Variants in TSEN15 observed in about 807,000 individuals in gnomAD.
TSEN15 encodes the protein tRNA splicing endonuclease subunit 15.
TSEN15 carries 10 observed loss-of-function variants against 20.5 expected under a neutral mutation model. The observed-to-expected ratio is 0.49, with a 90% CI of 0.30 to 0.83. The LOEUF (loss-of-function observed/expected upper bound fraction) is 0.83, where lower values mean the gene tolerates loss of function less well. Ranked by LOEUF, TSEN15 falls within the 40% of genes least tolerant of loss-of-function variation. The pLI is 0.06. For synonymous variants in TSEN15, 72 were observed against 80.1 expected, an observed-to-expected ratio of 0.90 and a Z score of 0.54; for missense variants, 180 against 218.6, an observed-to-expected ratio of 0.82 and a Z score of 1.11.
intron 3 of TSEN15, among the ~76,000 whole-genome samples, chr1:184,064,942 A>T (rs1006350829): frequency 6.6e-6 from 1 of 152,156 alleles, no homozygotes; most frequent in Non-Finnish European, 1.5e-5. Context: ...CGATATACTG[A>T]TGACTCCCAA....
intron 3 of TSEN15, among the ~76,000 whole-genome samples, chr1:184,055,900 T>C (rs1225973902): frequency 2.0e-5 from 3 of 152,284 alleles, no homozygotes; most frequent in East Asian, 3.9e-4. Context: ...CTTAACGTGC[T>C]TTCACTGACC....
intron 3 of TSEN15, among the ~76,000 whole-genome samples, chr1:184,084,710 GGAAA>G (rs1466567147): frequency 6.6e-6 from 1 of 151,958 alleles, no homozygotes; most frequent in African/African-American, 2.4e-5. Context: ...AAGGCAGAAG[GGAAA>G]GAGAGATCAA....
chr1:184,054,272 T>A (rs1650159993), intron 1 of TSEN15, 82 bp from the exon 2 acceptor site: 1 of 851,284 alleles, frequency 1.2e-6, no homozygotes, highest in Admixed American at 2.2e-5. Flanking sequence ...AGATTATATA[T>A]GCTTGATGAC....
intron 3 of TSEN15, among the ~76,000 whole-genome samples, chr1:184,080,267 GC>G (rs1249059121): frequency 6.6e-6 from 1 of 152,174 alleles, no homozygotes; most frequent in African/African-American, 2.4e-5. Context: ...TCACAACAGA[GC>G]TGATGTTACT....
intron 3 of TSEN15, among the ~76,000 whole-genome samples, chr1:184,079,920 C>T (rs779861308): frequency 6.6e-6 from 1 of 152,150 alleles, no homozygotes; most frequent in Non-Finnish European, 1.5e-5. Context: ...ATTCTAAACA[C>T]CTGTTGTTAG....
intron 3 of TSEN15, chr1:184,058,297 C>A: frequency 6.4e-6 from 2 of 310,928 alleles, no homozygotes; most frequent in South Asian, 6.2e-5. Context: ...ATCTTTATGT[C>A]TTGTTTTTAT....
At position 184,073,220 on chromosome 1, in the gene TSEN15, T is replaced by G. The variant is rs370130713; in HGVS notation, c.*373T>G. ...CATTGTTGAGACTGCCATTTCTTTC[T>G]CTTACTCAGCTCTCCCCAGTGCCTT... On this transcript the variant is annotated 3_prime_UTR_variant, in exon 5 of 5. Transcript: ENST00000645668. The G allele has an allele frequency of 1.3e-4, 25 of 189,580 alleles. No homozygotes were observed. The highest frequency in any genetic ancestry group is 5.6e-4 in the African/African-American group (24 of 42,826). The allele number at this position is 189,580 out of a possible 1,614,324, so 11.7% of individuals were successfully genotyped here. A position where few individuals can be genotyped will look rare whatever the true frequency, so the allele number is the denominator to read the frequency against.
intron 3 of TSEN15, 60 bp from the exon 4 acceptor site, chr1:184,072,097 G>A: frequency 2.0e-6 from 3 of 1,535,850 alleles, no homozygotes; most frequent in Non-Finnish European, 2.6e-6. Flanking sequence ...GCTTTCTTCT[G>A]TCACATCTCA....
At chr1:184,074,849 C>G (rs190582505), downstream of TSEN15, among the ~76,000 whole-genome samples, 10 of 152,036 alleles carry the variant, frequency 6.6e-5, no homozygotes, top group Middle Eastern at 3.4e-3. Flanking sequence ...TCCATAACTC[C>G]TTCAGGCTCC....
intron 3 of TSEN15, among the ~76,000 whole-genome samples, chr1:184,083,239 A>T (rs1304506169): frequency 1.3e-5 from 2 of 152,144 alleles, no homozygotes; most frequent in Non-Finnish European, 2.9e-5. Context: ...TCCACTTTGT[A>T]CAGAAAGCAG....
At chr1:184,074,646 G>A (rs567767345), downstream of TSEN15, among the ~76,000 whole-genome samples, 1 of 152,242 alleles carries the variant, frequency 6.6e-6, no homozygotes, top group Non-Finnish European at 1.5e-5. Flanking sequence ...CTGTTGATTG[G>A]AAGCAGGTCA....
chr1:184,075,793 C>T (rs1462904994), downstream of TSEN15, among the ~76,000 whole-genome samples: 1 of 151,792 alleles, frequency 6.6e-6, no homozygotes, highest in African/African-American at 2.4e-5. Flanking sequence ...TAAAATTATA[C>T]TGACATTAAA....
At chr1:184,067,936 A>AAAAAAG (rs1297723923) in intron 3 of TSEN15, among the ~76,000 whole-genome samples, 3 of 116,670 alleles carry the variant, frequency 2.6e-5, no homozygotes, top group African/African-American at 9.7e-5. Context: ...AAAAAAAAAA[A>AAAAAAG]AAAAAATATA....
At chr1:184,077,513 T>C (rs1314773006), downstream of TSEN15, among the ~76,000 whole-genome samples, 1 of 152,176 alleles carries the variant, frequency 6.6e-6, no homozygotes, top group Non-Finnish European at 1.5e-5. Context: ...ATTTTGACTT[T>C]GAAGTCTTAT....
intron 3 of TSEN15, among the ~76,000 whole-genome samples, chr1:184,060,040 C>T (rs1342561648): frequency 6.6e-6 from 1 of 152,088 alleles, no homozygotes; most frequent in Non-Finnish European, 1.5e-5. Context: ...GAAAAAAAAT[C>T]CCAATGGGAA....
chr1:184,083,785 C>A (rs1392561058), intron 3 of TSEN15, among the ~76,000 whole-genome samples: 1 of 152,116 alleles, frequency 6.6e-6, no homozygotes, highest in Non-Finnish European at 1.5e-5. Flanking sequence ...GTTCCACTCC[C>A]ACAAAATGAA....
At chr1:184,067,924 C>CTCAAAAAA (rs1650731485) in intron 3 of TSEN15, among the ~76,000 whole-genome samples, 1 of 54,884 alleles carries the variant, frequency 1.8e-5, no homozygotes, top group African/African-American at 9.3e-5. Flanking sequence ...CTCTCTCTCT[C>CTCAAAAAA]AAAAAAAAAA....
chr1:184,071,342 A>T (rs1650875458), intron 3 of TSEN15: 1 of 152,016 alleles, frequency 6.6e-6, no homozygotes, highest in African/African-American at 2.4e-5. Context: ...AATGAAGAAT[A>T]CCAGGAATAT....
At chr1:184,054,303 A>T in intron 1 of TSEN15, 51 bp from the exon 2 acceptor site, 1 of 1,199,522 alleles carries the variant, frequency 8.3e-7, no homozygotes, top group Non-Finnish European at 1.2e-6. Context: ...TTGGAAGAAA[A>T]TATTAAATAA....
Sources: gnomAD v4.1 joint callset for allele counts (sites outside exome capture counted in the v4.1 genomes callset) on GRCh38, gnomAD v4.1.1 for gene constraint, MANE v1.5 for transcripts, NCBI Gene and HGNC (gene_info 2026-07-23, HGNC 2026-07-21) for gene names.